The following NPHP4 variants were observed in gnomAD, a reference collection of about 807,000 sequenced individuals.
The protein encoded by NPHP4 is nephrocystin-4.
Under a neutral mutation model 155.8 loss-of-function variants are expected in NPHP4, and 151 were observed. That is an observed-to-expected ratio of 0.97 (90% CI 0.85 to 1.11). The LOEUF (loss-of-function observed/expected upper bound fraction) is 1.11, where lower values mean the gene tolerates loss of function less well. Among genes scored for constraint, NPHP4 ranks in the 50% least tolerant of loss-of-function variants. NPHP4 has a pLI of 0.00. For synonymous variants in NPHP4, 845 were observed against 816.8 expected (o/e 1.03, Z -0.59); for missense variants, 1,956 against 1,925.7 (o/e 1.02, Z -0.29).
chr1:5,977,869 TGAAAGG>T (rs1354010605), intron 3 of NPHP4, among the ~76,000 whole-genome samples: 2 of 424 alleles, frequency 4.7e-3, no homozygotes, highest in Admixed American at 0.031. Flanking sequence ...AAGGGGACGG[TGAAAGG>T]GAAAGGGAGG....
chr1:5,909,099 G>C, intron 12 of NPHP4, 53 bp downstream of exon 12: 4 of 1,399,634 alleles, frequency 2.9e-6, no homozygotes, highest in Non-Finnish European at 4.0e-6. Flanking sequence ...GGGTTTTCTT[G>C]CAAGTAATTG....
chr1:5,971,530 C>T (rs769563291), intron 3 of NPHP4, among the ~76,000 whole-genome samples: 7 of 152,296 alleles, frequency 4.6e-5, no homozygotes, highest in Admixed American at 4.6e-4. Flanking sequence ...GAAGCTCGAG[C>T]CTCGAAGGCT....
intron 16 of NPHP4, among the ~76,000 whole-genome samples, chr1:5,893,222 G>A (rs1324335555): frequency 6.6e-6 from 1 of 152,224 alleles, no homozygotes; most frequent in Non-Finnish European, 1.5e-5. Flanking sequence ...ACGAGAGAGT[G>A]TAGAAATAAA....
chr1:5,880,076 C>T (rs769905516), intron 19 of NPHP4, 38 bp downstream of exon 19: 28 of 1,610,968 alleles, frequency 1.7e-5, no homozygotes, highest in South Asian at 8.8e-5. Flanking sequence ...CCACCACTCA[C>T]GACCCACCCA....
Position 5,907,203 on chromosome 1 carries a change from G to T in NPHP4, c.1523C>A (p.Ala508Glu). 2 of 1,579,850 alleles carry T rather than the reference G, an allele frequency of 1.3e-6. No homozygotes were observed. Among genetic ancestry groups the T allele is most frequent in the South Asian group, 2.3e-5 (2 of 85,504 alleles). The change falls in exon 13 of 30, where the codon GCG becomes GAG. Residue 508 changes from alanine to glutamate, a missense_variant. Transcript: ENST00000378156. Reference protein sequence around the residue: ...VGPGLSISQLAASPRSPTQHC... With the variant: ...VGPGLSISQLEASPRSPTQHC... ...CTGAGTCGGGGACCGCGGGGAGGCCGCCAGCTGGGAAATTGACAACTGGAA... is the reference window on the plus strand; with the variant it reads ...CTGAGTCGGGGACCGCGGGGAGGCCTCCAGCTGGGAAATTGACAACTGGAA...
chr1:5,886,321 C>T (rs1310319302), intron 18 of NPHP4, among the ~76,000 whole-genome samples: 1 of 152,240 alleles, frequency 6.6e-6, no homozygotes, highest in African/African-American at 2.4e-5. Context: ...GTCGACTTAA[C>T]GAGCTGTGCA....
At chr1:5,985,017 A>G (rs1208854983) in intron 2 of NPHP4, among the ~76,000 whole-genome samples, 1 of 152,240 alleles carries the variant, frequency 6.6e-6, no homozygotes, top group Non-Finnish European at 1.5e-5. Flanking sequence ...GTGAATGAAC[A>G]CAGTGAAGTG....
chr1:5,914,286 A>AAAAAG (rs70977991), intron 11 of NPHP4, among the ~76,000 whole-genome samples: 17 of 139,926 alleles, frequency 1.2e-4, no homozygotes, highest in African/African-American at 5.0e-4. Flanking sequence ...AAAAAAAAAA[A>AAAAAG]GGCCTGGTGT....
At chr1:5,984,462 G>A (rs1248961187) in intron 2 of NPHP4, among the ~76,000 whole-genome samples, 2 of 152,060 alleles carry the variant, frequency 1.3e-5, no homozygotes, top group African/African-American at 4.8e-5. Context: ...TGAGCTCAGG[G>A]GGAGGAGGTT....
Position 5,986,250 on chromosome 1 carries a change from C to A in NPHP4, c.40G>T (p.Val14Phe). ...CGCGCTCTCTGTGGGTGGGGAGGGACAAGCACGTTTTGGGTGAAGATCCTG... is the reference window on the plus strand; with the variant it reads ...CGCGCTCTCTGTGGGTGGGGAGGGAAAAGCACGTTTTGGGTGAAGATCCTG... ...WHRIFTQNVL[V>F]PPHPQRARQP... The change falls in exon 2 of 30, where the codon GTC (valine) becomes TTC (phenylalanine). Residue 14 changes from valine to phenylalanine, a missense_variant. Physicochemically the swap from Val to Phe is conservative, Grantham distance 50 (BLOSUM62 -1). Coordinates refer to ENST00000378156, the MANE Select transcript of NPHP4 (RefSeq NM_015102.5). 1 of 1,613,880 alleles carries A rather than the reference C, an allele frequency of 6.2e-7. No individual in the cohort carries two copies. The highest frequency in any genetic ancestry group is 2.2e-5 in the East Asian group (1 of 44,880).
rs542995560 is a variant in NPHP4, at chr1:5,975,678, C to T, written c.279+2592G>A. 9.8e-5 allele frequency among the ~76,000 whole-genome samples: 15 copies of T among 152,358 alleles called. No individual in the cohort carries two copies. In the South Asian group the frequency reaches 3.1e-3, roughly 32 times the overall value. On this transcript the variant is annotated intron_variant, in intron 3 of 29. Coordinates refer to ENST00000378156, the MANE Select transcript of NPHP4 (RefSeq NM_015102.5). ...GGTATTCCAGACTCCGAAAAGCCAC[C>T]AGCTCCTAGTCTCCCTAACACATCT...
chr1:5,924,343 T>G (rs1645891265), intron 11 of NPHP4, among the ~76,000 whole-genome samples: 1 of 152,018 alleles, frequency 6.6e-6, no homozygotes, highest in Non-Finnish European at 1.5e-5. Context: ...TGACCACAAT[T>G]TTTCCAAATG....
At chr1:5,947,989 A>G in intron 8 of NPHP4, 81 bp downstream of exon 8, 1 of 1,122,614 alleles carries the variant, frequency 8.9e-7, no homozygotes, top group South Asian at 1.3e-5. Flanking sequence ...GTGAGTCAAC[A>G]CCTGACATGC....
chr1:5,912,967 G>A (rs1417872103), intron 11 of NPHP4, among the ~76,000 whole-genome samples: 4 of 152,066 alleles, frequency 2.6e-5, no homozygotes, highest in Admixed American at 6.6e-5. Flanking sequence ...CCTGGCCAAC[G>A]TGGTGAAGCC....
At chr1:5,942,954 C>T (rs1646902602) in intron 9 of NPHP4, among the ~76,000 whole-genome samples, 1 of 152,162 alleles carries the variant, frequency 6.6e-6, no homozygotes, top group Non-Finnish European at 1.5e-5. Context: ...GCAGGTTTGC[C>T]CCTGTTGCAT....
In NPHP4 at chr1:5,905,525, G is replaced by T; in HGVS notation, c.1764-42C>A. 6.3e-7 allele frequency: 1 copy of T among 1,597,404 alleles called. No homozygotes were observed. Among genetic ancestry groups the T allele is most frequent in the Non-Finnish European group, 8.6e-7 (1 of 1,167,494 alleles). On this transcript the variant is annotated intron_variant, in intron 14 of 29. Coordinates refer to ENST00000378156, the MANE Select transcript of NPHP4 (RefSeq NM_015102.5). This position sits in a 1 kb window ranked among gnomAD's most constrained non-coding sequence, Gnocchi z 4.0. ...CCTCAGGTAGCCTCCCGGGAAAGGG[G>T]GGACCCATTGATGCACCTCCCTGTG...
chr1:5,932,862 C>T (rs113575374), intron 10 of NPHP4, among the ~76,000 whole-genome samples: 75 of 152,224 alleles, frequency 4.9e-4, no homozygotes, highest in African/African-American at 1.4e-3. Flanking sequence ...CAAACGTGCA[C>T]GCCACACAGG....
At chr1:5,971,642 G>A (rs1056008041) in intron 3 of NPHP4, among the ~76,000 whole-genome samples, 3 of 152,152 alleles carry the variant, frequency 2.0e-5, no homozygotes, top group Admixed American at 1.3e-4. Flanking sequence ...CCAGGTCACC[G>A]GTGCCTGACC....
rs370899989 is a variant in NPHP4 at position 5,905,488 on chromosome 1, G to A, written c.1764-5C>T. The A allele has an allele frequency of 6.3e-5, 101 of 1,600,662 alleles. No homozygotes were observed. In the East Asian group the frequency reaches 1.8e-3, roughly 28 times the overall value. On this transcript the variant is annotated splice_polypyrimidine_tract_variant and splice_region_variant and intron_variant, in intron 14 of 29. Transcript: ENST00000378156. The surrounding 1 kb of genome is among the most constrained non-coding windows in gnomAD (Gnocchi z 4.0). ...CTCGAGGGCTGCCCTGCAGAGCTGA[G>A]ACACAGAGACTCCTCAGGTAGCCTC...
Sources: allele counts gnomAD v4.1 joint callset (sites outside exome capture counted in the v4.1 genomes callset), GRCh38; gene constraint gnomAD v4.1.1; non-coding constraint Gnocchi (gnomAD v3.1); transcripts MANE v1.5; gene names NCBI Gene and HGNC (gene_info 2026-07-23, HGNC 2026-07-21).